DACH2: variants seen among roughly 807,000 people sequenced by gnomAD.
DACH2 encodes dachshund homolog 2.
Under a neutral mutation model 35.8 loss-of-function variants are expected in DACH2, and 17 were observed. That is an observed-to-expected ratio of 0.48 (90% CI 0.33 to 0.71). The LOEUF is 0.71. Ranked by LOEUF, DACH2 falls within the 30% of genes least tolerant of loss-of-function variation. The probability of loss-of-function intolerance (pLI) is 0.02; values close to 1 mark genes in which losing one functional copy is unlikely to be tolerated. For missense variants in DACH2, 469 were observed against 472.7 expected, an observed-to-expected ratio of 0.99 and a Z score of 0.07; for synonymous variants, 195 against 177.3, an observed-to-expected ratio of 1.10 and a Z score of -0.79.
chrX:86,167,183 C>T (rs993004181), intron 1 of DACH2, among the ~76,000 whole-genome samples: 1 of 111,344 alleles, frequency 9.0e-6, no homozygotes, highest in Non-Finnish European at 1.9e-5. Context: ...GAAGGCTTCA[C>T]GTCCCAAGCT....
intron 3 of DACH2, among the ~76,000 whole-genome samples, chrX:86,583,544 A>T (rs1055601139): frequency 3.6e-5 from 4 of 110,302 alleles, no homozygotes; most frequent in South Asian, 3.7e-4. Context: ...TGCTTTTTTT[A>T]AATTTTTTTA....
chrX:86,699,572 C>G (rs2041114724), intron 5 of DACH2, among the ~76,000 whole-genome samples: 1 of 111,434 alleles, frequency 9.0e-6, no homozygotes, highest in African/African-American at 3.3e-5. Context: ...CAATTATCTC[C>G]CACTGGGTCC....
intron 3 of DACH2, among the ~76,000 whole-genome samples, chrX:86,586,059 A>G (rs1367774541): frequency 2.7e-5 from 3 of 110,766 alleles, no homozygotes; most frequent in African/African-American, 9.8e-5. Context: ...TTACTCTACA[A>G]CCTTGCTAGC....
At chrX:86,427,161 T>G (rs989233054) in intron 2 of DACH2, among the ~76,000 whole-genome samples, 2 of 111,634 alleles carry the variant, frequency 1.8e-5, no homozygotes, top group African/African-American at 6.5e-5. Context: ...CTGCCCTTTA[T>G]CTATAAAGAC....
chrX:86,715,982 A>G (rs1224224822), intron 6 of DACH2, among the ~76,000 whole-genome samples: 2 of 111,947 alleles, frequency 1.8e-5, no homozygotes, highest in African/African-American at 6.5e-5. Flanking sequence ...GGAGCCTTCT[A>G]AAGCACTGAA....
intron 11 of DACH2, among the ~76,000 whole-genome samples, chrX:86,823,917 A>G (rs933587468): frequency 5.4e-5 from 6 of 111,971 alleles, no homozygotes; most frequent in Non-Finnish European, 9.4e-5. Context: ...GAAACAGGAC[A>G]AGGGCAAAAT....
intron 3 of DACH2, among the ~76,000 whole-genome samples, chrX:86,544,624 A>T (rs5968939): frequency 0.14 from 15,419 of 110,788 alleles, 948 homozygotes; most frequent in East Asian, 0.24. Context: ...GACAGGCCTT[A>T]CAAGAGGTCC....
chrX:86,691,071 T>G (rs1421794808), intron 4 of DACH2, among the ~76,000 whole-genome samples: 2 of 111,466 alleles, frequency 1.8e-5, no homozygotes, highest in Non-Finnish European at 3.8e-5. Flanking sequence ...CTTAAAGAGG[T>G]TACTTTATTT....
intron 4 of DACH2, among the ~76,000 whole-genome samples, chrX:86,674,872 C>T (rs1236762706): frequency 9.0e-6 from 1 of 110,718 alleles, no homozygotes; most frequent in Non-Finnish European, 1.9e-5. Context: ...TTTTATGTAG[C>T]ACAGCCTAAC....
In DACH2 at chrX:86,604,244, G is replaced by A. The variant is rs1290990704; in HGVS notation, c.641-46792G>A. Among the ~76,000 whole-genome samples the A allele has an allele frequency of 3.6e-5, 4 of 111,106 alleles. No individual in the cohort carries two copies. In the East Asian group the frequency reaches 1.1e-3, roughly 32 times the overall value. On this transcript the variant is annotated intron_variant, in intron 3 of 11. Transcript: ENST00000373125. The stretch of plus-strand genomic sequence containing the variant: ...TGGATTGAGTATAGATAATCATTAT[G>A]TTTTATCTCTACTAGGTAGAGATAT...
chrX:86,327,608 T>TTA (rs1556028390), intron 1 of DACH2, among the ~76,000 whole-genome samples: 4 of 99,623 alleles, frequency 4.0e-5, no homozygotes, highest in African/African-American at 1.8e-4. Context: ...AAAGTTAGTG[T>TTA]TGTAAACATT....
chrX:86,430,771 C>T (rs1333853787), intron 2 of DACH2, among the ~76,000 whole-genome samples: 3 of 112,298 alleles, frequency 2.7e-5, no homozygotes, highest in Non-Finnish European at 5.6e-5. Flanking sequence ...AAGCATTCTT[C>T]TCTCCTTGCT....
At chrX:86,295,324 T>C (rs1333799715) in intron 1 of DACH2, among the ~76,000 whole-genome samples, 3 of 112,028 alleles carry the variant, frequency 2.7e-5, no homozygotes, top group Non-Finnish European at 1.9e-5. Context: ...TGTCTTGCAC[T>C]CCCTAGTGAG....
intron 2 of DACH2, among the ~76,000 whole-genome samples, chrX:86,486,127 A>C (rs2038015915): frequency 9.0e-6 from 1 of 111,034 alleles, no homozygotes; most frequent in Admixed American, 9.7e-5. Flanking sequence ...TTTACCTGGC[A>C]GGACTGTTTC....
intron 1 of DACH2, among the ~76,000 whole-genome samples, chrX:86,357,149 T>A (rs2035656602): frequency 8.9e-6 from 1 of 112,064 alleles, no homozygotes; most frequent in African/African-American, 3.2e-5. Flanking sequence ...TACTAAAAAG[T>A]CAAAAAAACA....
chrX:86,321,085 A>G (rs60879097), intron 1 of DACH2, among the ~76,000 whole-genome samples: 1,465 of 111,330 alleles, frequency 0.013, 20 homozygotes, highest in African/African-American at 0.046. Context: ...ATAAGACTAG[A>G]CCTAGGTTCT....
rs1156657031 is a variant in DACH2, at chrX:86,313,907, T to C, written c.489-62917T>C. On this transcript the variant is annotated intron_variant, in intron 1 of 11. Transcript: ENST00000373125. Reference sequence around the variant, plus strand: ...CACTTTGTGCCTCTGTGTCACATTTTGGTAATTCTTGCAATACTGCAAATG... The same window carrying C: ...CACTTTGTGCCTCTGTGTCACATTTCGGTAATTCTTGCAATACTGCAAATG... 2.7e-5 allele frequency among the ~76,000 whole-genome samples: 3 copies of C among 112,074 alleles called. No homozygotes were observed. In the East Asian group the frequency reaches 8.4e-4, roughly 31 times the overall value.
At chrX:86,499,903 T>C (rs970589779) in intron 2 of DACH2, among the ~76,000 whole-genome samples, 2 of 111,247 alleles carry the variant, frequency 1.8e-5, no homozygotes, top group Admixed American at 9.6e-5. Context: ...GGAGCCATGA[T>C]AGGATTTGCT....
intron 3 of DACH2, among the ~76,000 whole-genome samples, chrX:86,598,025 C>T (rs1315667874): frequency 1.8e-5 from 2 of 111,188 alleles, no homozygotes; most frequent in Non-Finnish European, 1.9e-5. Context: ...GGAGCCTGTG[C>T]AAGGAAGCTC....
Sources: allele counts gnomAD v4.1 joint callset (sites outside exome capture counted in the v4.1 genomes callset), GRCh38; gene constraint gnomAD v4.1.1; transcripts MANE v1.5; gene names NCBI Gene and HGNC (gene_info 2026-07-23, HGNC 2026-07-21).